The following FBXL20 variants were observed in gnomAD, a reference collection of about 807,000 sequenced individuals.
FBXL20 encodes the protein F-box and leucine rich repeat protein 20.
Under a neutral mutation model 64.0 loss-of-function variants are expected in FBXL20, and 11 were observed. That is an observed-to-expected ratio of 0.17 (90% CI 0.11 to 0.28). The LOEUF is 0.28. Among genes scored for constraint, FBXL20 ranks in the 10% least tolerant of loss-of-function variants. The pLI is 1.00. For missense variants in FBXL20, 303 were observed against 526.2 expected (o/e 0.58, Z 4.15); for synonymous variants, 184 against 189.0 (o/e 0.97, Z 0.22).
chr17:39,291,248 C>T (rs1210208536), intron 6 of FBXL20, among the ~76,000 whole-genome samples: 1 of 152,110 alleles, frequency 6.6e-6, no homozygotes, highest in African/African-American at 2.4e-5. Context: ...GCACTAGCCA[C>T]CGCGCCCGGC....
At chr17:39,270,940 A>C in intron 10 of FBXL20, 84 bp from the exon 11 acceptor site, 1 of 1,109,702 alleles carries the variant, frequency 9.0e-7, no homozygotes, top group Non-Finnish European at 1.3e-6. Flanking sequence ...GAATTTACAA[A>C]AACAATCTTC....
intron 1 of FBXL20, among the ~76,000 whole-genome samples, chr17:39,374,386 A>G (rs1014958459): frequency 6.6e-6 from 1 of 151,606 alleles, no homozygotes; most frequent in Non-Finnish European, 1.5e-5. Flanking sequence ...AAAAAAAAAA[A>G]TTAATCAGGC....
intron 1 of FBXL20, among the ~76,000 whole-genome samples, chr17:39,390,556 C>T (rs1420553132): frequency 6.7e-6 from 1 of 149,780 alleles, no homozygotes; most frequent in Non-Finnish European, 1.5e-5. Flanking sequence ...GCGCAAGACT[C>T]CATCTTAAAA....
At chr17:39,344,354 A>C (rs1232374107) in intron 1 of FBXL20, among the ~76,000 whole-genome samples, 1 of 150,480 alleles carries the variant, frequency 6.6e-6, no homozygotes, top group African/African-American at 2.4e-5. Context: ...CCCTCTCCAA[A>C]AAAAAAAAAA....
At chr17:39,385,628 A>C (rs999116101) in intron 1 of FBXL20, among the ~76,000 whole-genome samples, 3 of 152,196 alleles carry the variant, frequency 2.0e-5, no homozygotes, top group Non-Finnish European at 2.9e-5. Context: ...GTTGATGCTC[A>C]AGTTTCCTTA....
intron 12 of FBXL20, 131 bp from the exon 13 acceptor site, chr17:39,265,584 G>A: frequency 1.8e-6 from 1 of 554,230 alleles, no homozygotes; most frequent in South Asian, 3.1e-5. Context: ...TAAGCTCACT[G>A]CAGCCTAAAA....
chr17:39,315,829 C>CAGAGAGAGGGAG (rs2047284167), intron 2 of FBXL20, among the ~76,000 whole-genome samples: 1 of 129,686 alleles, frequency 7.7e-6, no homozygotes, highest in South Asian at 2.9e-4. Context: ...GAGAGAGAGA[C>CAGAGAGAGGGAG]AGAGAGAGAG....
intron 3 of FBXL20, among the ~76,000 whole-genome samples, chr17:39,302,380 T>G (rs1450562963): frequency 6.6e-6 from 1 of 150,832 alleles, no homozygotes; most frequent in Admixed American, 6.6e-5. Flanking sequence ...TTGGCTTTTT[T>G]TTTTTTTTTT....
chr17:39,328,250 A>G (rs1453775842), intron 2 of FBXL20, among the ~76,000 whole-genome samples: 1 of 38,182 alleles, frequency 2.6e-5, no homozygotes, highest in Non-Finnish European at 6.0e-5. Flanking sequence ...CTCTGCCTCA[A>G]AAAAAAAAAA....
At chr17:39,288,596 A>G (rs942513650) in intron 6 of FBXL20, among the ~76,000 whole-genome samples, 1 of 151,884 alleles carries the variant, frequency 6.6e-6, no homozygotes, top group Admixed American at 6.6e-5. Context: ...GACTACAGGT[A>G]TAGGTCATGG....
At chr17:39,311,298 T>C (rs2047233662) in intron 2 of FBXL20, among the ~76,000 whole-genome samples, 1 of 152,232 alleles carries the variant, frequency 6.6e-6, no homozygotes, top group Admixed American at 6.5e-5. Context: ...ATCTTCTCCT[T>C]ACCTGTCATA....
At chr17:39,398,284 A>G (rs1042812562) in intron 1 of FBXL20, among the ~76,000 whole-genome samples, 18 of 152,104 alleles carry the variant, frequency 1.2e-4, no homozygotes, top group African/African-American at 4.3e-4. Context: ...CATCTCAAAG[A>G]AAAAAAGCAA....
intron 2 of FBXL20, among the ~76,000 whole-genome samples, chr17:39,327,611 C>T (rs933945859): frequency 6.6e-6 from 1 of 151,990 alleles, no homozygotes; most frequent in Admixed American, 6.6e-5. Flanking sequence ...TGTACACACG[C>T]ACCCCCCAAA....
At chr17:39,381,141 T>C (rs1041866351) in intron 1 of FBXL20, among the ~76,000 whole-genome samples, 1 of 149,702 alleles carries the variant, frequency 6.7e-6, no homozygotes, top group African/African-American at 2.5e-5. Flanking sequence ...GCCTGGGCAG[T>C]AAGAGTGAAA....
Position 39,274,832 on chromosome 17 carries a change from G to A in FBXL20, c.827+138C>T, listed in dbSNP as rs570325864. On this transcript the variant is annotated intron_variant, in intron 10 of 14. Coordinates refer to ENST00000264658, the MANE Select transcript of FBXL20 (RefSeq NM_032875.3). Reference sequence around the variant, plus strand: ...AATGAGGTACAAAAAGGAAGTAGGTGGGCATCTAAAAGGGACTACCTTAAA... The same window carrying A: ...AATGAGGTACAAAAAGGAAGTAGGTAGGCATCTAAAAGGGACTACCTTAAA... 8.9e-5 allele frequency: 88 copies of A among 994,284 alleles called. No homozygotes were observed. The Middle Eastern group carries it at 1.1e-3, about 12-fold the overall frequency. The allele number at this position is 994,284 out of a possible 1,614,324, so 61.6% of individuals were successfully genotyped here.
intron 3 of FBXL20, among the ~76,000 whole-genome samples, chr17:39,302,616 GC>G (rs1345121773): frequency 2.0e-5 from 3 of 152,086 alleles, no homozygotes; most frequent in Non-Finnish European, 4.4e-5. Flanking sequence ...CTCATGATCT[GC>G]CCGCCTGGGC....
intron 2 of FBXL20, among the ~76,000 whole-genome samples, chr17:39,316,305 A>T (rs1366083180): frequency 6.6e-6 from 1 of 151,980 alleles, no homozygotes; most frequent in Admixed American, 6.6e-5. Flanking sequence ...ACACACACAC[A>T]CACACACACA....
intron 1 of FBXL20, among the ~76,000 whole-genome samples, chr17:39,347,319 G>C (rs2047643274): frequency 6.6e-6 from 1 of 152,204 alleles, no homozygotes; most frequent in South Asian, 2.1e-4. Context: ...CAGTGTAAAA[G>C]TGTTTCTATT....
In FBXL20 at chr17:39,401,255, G is replaced by A. The variant is rs578112937; in HGVS notation, c.42+106C>T. On this transcript the variant is annotated intron_variant, in intron 1 of 14. Transcript: ENST00000264658. Reference sequence around the variant, plus strand: ...GAGTCTGGCAGCCCCGCCAGTGGGTGGGTGACGGCGCCTGCCAGGGAGGAG... The same window carrying A: ...GAGTCTGGCAGCCCCGCCAGTGGGTAGGTGACGGCGCCTGCCAGGGAGGAG... 20 of 1,588,456 alleles carry A rather than the reference G, an allele frequency of 1.3e-5. No individual in the cohort carries two copies. The Admixed American group carries it at 2.3e-4, about 18-fold the overall frequency.
Sources: gnomAD v4.1 joint callset for allele counts (sites outside exome capture counted in the v4.1 genomes callset) on GRCh38, gnomAD v4.1.1 for gene constraint, MANE v1.5 for transcripts, NCBI Gene and HGNC (gene_info 2026-07-23, HGNC 2026-07-21) for gene names.